The following OTOA variants were observed in gnomAD, a reference collection of about 807,000 sequenced individuals.
OTOA encodes the protein cancer/testis antigen 108.
Under a neutral mutation model 110.8 loss-of-function variants are expected in OTOA, and 70 were observed. The observed-to-expected ratio is 0.63, with a 90% CI of 0.52 to 0.77. OTOA has a LOEUF of 0.77. Among genes scored for constraint, OTOA ranks in the 30% least tolerant of loss-of-function variants. OTOA has a pLI of 0.00. For synonymous variants in OTOA, 373 were observed against 431.5 expected (o/e 0.86, Z 1.68); for missense variants, 917 against 1,075.8 (o/e 0.85, Z 2.06).
intron 9 of OTOA, among the ~76,000 whole-genome samples, chr16:21,694,535 G>A (rs1232154530): frequency 6.6e-6 from 1 of 152,142 alleles, no homozygotes; most frequent in African/African-American, 2.4e-5. Context: ...CCCATGGATT[G>A]TAGTTTGCCA....
chr16:21,690,245 G>A lies in OTOA; in HGVS notation c.636-1339G>A, dbSNP rs943536639. On this transcript the variant is annotated intron_variant, in intron 8 of 28. Coordinates refer to ENST00000646100, the MANE Select transcript of OTOA (RefSeq NM_144672.4). The stretch of plus-strand genomic sequence containing the variant: ...GCAGGATGTGCAGGTTTGTTACATA[G>A]GTAAACGTGTACCATGGTGGTTTGC... 4.6e-5 allele frequency among the ~76,000 whole-genome samples: 7 copies of A among 152,026 alleles called. No homozygotes were observed. The South Asian group carries it at 1.2e-3, about 27-fold the overall frequency.
chr16:21,679,298 T>A, intron 5 of OTOA, 87 bp downstream of exon 5: 1 of 1,397,210 alleles, frequency 7.2e-7, no homozygotes, highest in Non-Finnish European at 1.0e-6. Flanking sequence ...TAAAAAGTAA[T>A]ATGTGCTCAT....
At chr16:21,691,489 A>G in intron 8 of OTOA, 95 bp from the exon 9 acceptor site, 1 of 1,007,424 alleles carries the variant, frequency 9.9e-7, no homozygotes, top group South Asian at 1.3e-5. Flanking sequence ...TTTTAACACA[A>G]GACAGCTTTG....
rs1180279498 is a variant in OTOA at position 21,678,606 on chromosome 16, G to T, written c.91+1G>T. On this transcript the variant is annotated splice_donor_variant, in intron 2 of 28. Transcript: ENST00000646100. LOFTEE classifies it high-confidence loss of function. ...TATACAGTGCCAAATTCCAGGCAGG[G>T]TAAGTCCTGAGGGAAGAATCACCCT... The T allele has an allele frequency of 3.7e-6, 6 of 1,612,846 alleles. No homozygotes were observed. The highest frequency in any genetic ancestry group is 5.1e-6 in the Non-Finnish European group (6 of 1,179,074).
chr16:21,686,417 C>T lies in OTOA; in HGVS notation c.400-996C>T, dbSNP rs1230284690. Reference sequence around the variant, plus strand: ...GATCCTCCCACCTCAGCCTCTCAAGCAGCTAGGACTACAGGTGCGCATTAG... The same window carrying T: ...GATCCTCCCACCTCAGCCTCTCAAGTAGCTAGGACTACAGGTGCGCATTAG... On this transcript the variant is annotated intron_variant, in intron 7 of 28. Transcript: ENST00000646100. 2.6e-5 allele frequency among the ~76,000 whole-genome samples: 4 copies of T among 151,934 alleles called. No individual in the cohort carries two copies. In the East Asian group the frequency reaches 5.8e-4, roughly 22 times the overall value.
At chr16:21,692,964 G>T (rs1055874922) in intron 9 of OTOA, among the ~76,000 whole-genome samples, 4 of 144,812 alleles carry the variant, frequency 2.8e-5, no homozygotes, top group African/African-American at 2.5e-5. Flanking sequence ...GAAAAGAAAA[G>T]AAAATTGGGG....
chr16:21,714,300 T>TCCTTCCTTCCTTCCTTCCTTC (rs1898455664), intron 13 of OTOA, among the ~76,000 whole-genome samples: 3 of 100,344 alleles, frequency 3.0e-5, no homozygotes, highest in Non-Finnish European at 6.4e-5. Flanking sequence ...TCTTTTCCTT[T>TCCTTCCTTCCTTCCTTCCTTC]CTTCCTTCCT....
intron 13 of OTOA, among the ~76,000 whole-genome samples, chr16:21,712,814 G>A (rs1597832249): frequency 6.6e-6 from 1 of 151,996 alleles, no homozygotes; most frequent in African/African-American, 2.4e-5. Context: ...CACTGAGGTT[G>A]GAAATGAAAA....
chr16:21,756,676 C>T lies in OTOA; in HGVS notation c.3154-406C>T, dbSNP rs215908. On this transcript the variant is annotated intron_variant, in intron 27 of 28. Coordinates refer to ENST00000646100, the MANE Select transcript of OTOA (RefSeq NM_144672.4). ...ACTCTCCATTAGTACTTCTAAATAC[C>T]TCAAGAAGGAAGTGTCAATTTAACC... 4.8e-3 allele frequency among the ~76,000 whole-genome samples: 731 copies of T among 152,126 alleles called. 12 individuals carry two copies. Among genetic ancestry groups the T allele is most frequent in the Non-Finnish European group, 8.5e-3 (579 of 68,016 alleles).
chr16:21,710,046 A>G lies in OTOA; in HGVS notation c.1263A>G (p.Ser421=). The part of the protein sequence containing the change: ...HGAISTLNQV[S]GWAKSQVIIL... Reference sequence around the variant, plus strand: ...CCATCTCCACCCTCAACCAGGTCTCAGGTTGGGCCAAGAGCCAGGTCATCA... The same window carrying G: ...CCATCTCCACCCTCAACCAGGTCTCGGGTTGGGCCAAGAGCCAGGTCATCA... The change falls in exon 13 of 29, where the codon TCA becomes TCG. Residue 421 remains serine (S), a synonymous_variant. Coordinates refer to ENST00000646100, the MANE Select transcript of OTOA (RefSeq NM_144672.4). The G allele has an allele frequency of 6.2e-7, 1 of 1,614,040 alleles. No homozygotes were observed. The highest frequency in any genetic ancestry group is 8.5e-7 in the Non-Finnish European group (1 of 1,179,956).
chr16:21,687,905 C>G (rs1055397249), intron 8 of OTOA, among the ~76,000 whole-genome samples: 1 of 151,636 alleles, frequency 6.6e-6, no homozygotes, highest in Non-Finnish European at 1.5e-5. Context: ...ATCAAGTGAT[C>G]CACCTGCCTT....
chr16:21,672,028 C>A (rs1413794734), intron 1 of OTOA, among the ~76,000 whole-genome samples: 1 of 152,096 alleles, frequency 6.6e-6, no homozygotes, highest in Non-Finnish European at 1.5e-5. Flanking sequence ...ATAAACTTTT[C>A]CCATTGTACC....
Position 21,701,165 on chromosome 16 carries a change from T to A in OTOA, c.980+138T>A, listed in dbSNP as rs995433027. ...CTTTGAATAGTCCCATATTTCTCTG[T>A]GCATGTGAGGAGAGGTGTCTGCAAC... On this transcript the variant is annotated intron_variant, in intron 11 of 28. Transcript: ENST00000646100. 6.8e-6 allele frequency: 9 copies of A among 1,328,126 alleles called. No homozygotes were observed. In the Middle Eastern group the frequency reaches 5.6e-4, roughly 82 times the overall value. 82.3% of individuals were successfully genotyped at this position (1,328,126 alleles called of 1,614,324 possible).
chr16:21,704,292 C>A, intron 11 of OTOA, among the ~76,000 whole-genome samples: 1 of 152,150 alleles, frequency 6.6e-6, no homozygotes, highest in East Asian at 1.9e-4. Context: ...AGGGTGAGAT[C>A]AGCTCTAGAA....
intron 20 of OTOA, among the ~76,000 whole-genome samples, chr16:21,728,708 C>T (rs1899010574): frequency 6.6e-6 from 1 of 151,876 alleles, no homozygotes; most frequent in African/African-American, 2.4e-5. Flanking sequence ...CCTGCCTCAG[C>T]CTCCCGAGTA....
At chr16:21,712,517 A>G (rs1433072240) in intron 13 of OTOA, among the ~76,000 whole-genome samples, 1 of 151,712 alleles carries the variant, frequency 6.6e-6, no homozygotes, top group Non-Finnish European at 1.5e-5. Context: ...TGCTTGTTCT[A>G]AAGCAAAATA....
intron 13 of OTOA, among the ~76,000 whole-genome samples, chr16:21,713,453 C>T (rs1489883408): frequency 1.3e-5 from 2 of 152,050 alleles, no homozygotes; most frequent in Non-Finnish European, 2.9e-5. Context: ...TCCTCCATCG[C>T]GGGGCCAAGG....
Position 21,709,874 on chromosome 16 carries a change from TG to T in OTOA, c.1105-13del, listed in dbSNP as rs772163924. ...CTTCCTGTCAACACTCATTCCAGTT[TG>T]CTCTCCTTCCAGCTCAAAGCAGAAC... On this transcript the variant is annotated splice_polypyrimidine_tract_variant and intron_variant, in intron 12 of 28. Transcript: ENST00000646100. 16 of 1,600,360 alleles carry T rather than the reference TG, an allele frequency of 1.0e-5. No individual in the cohort carries two copies. Among genetic ancestry groups the T allele is most frequent in the African/African-American group, 1.3e-5 (1 of 74,550 alleles).
At chr16:21,668,459 CTTT>C (rs374673931) in intron 1 of OTOA, among the ~76,000 whole-genome samples, 4 of 122,070 alleles carry the variant, frequency 3.3e-5, no homozygotes, top group Admixed American at 8.5e-5. Flanking sequence ...TTGTTTCTTT[CTTT>C]TTTTTTTTTT....
Sources: gnomAD v4.1 joint callset for allele counts (sites outside exome capture counted in the v4.1 genomes callset) on GRCh38, gnomAD v4.1.1 for gene constraint, MANE v1.5 for transcripts, NCBI Gene and HGNC (gene_info 2026-07-23, HGNC 2026-07-21) for gene names.